Variants in PTP4A1 observed in about 807,000 individuals in gnomAD.
PTP4A1 encodes protein tyrosine phosphatase 4A1, also known as protein tyrosine phosphatase type IVA 1.
PTP4A1 carries 9 observed loss-of-function variants against 20.5 expected under a neutral mutation model. The observed-to-expected ratio is 0.44, with a 90% CI of 0.26 to 0.77. The LOEUF (loss-of-function observed/expected upper bound fraction) is 0.77. Ranked by LOEUF, PTP4A1 falls within the 30% of genes least tolerant of loss-of-function variation. PTP4A1 has a pLI of 0.19. For missense variants in PTP4A1, 137 were observed against 218.8 expected, an observed-to-expected ratio of 0.63 and a Z score of 2.36; for synonymous variants, 78 against 67.4, an observed-to-expected ratio of 1.16 and a Z score of -0.77.
chr6:63,573,474 G>T (rs995110191), intron 1 of PTP4A1: 3 of 152,276 alleles, frequency 2.0e-5, no homozygotes, highest in Non-Finnish European at 4.4e-5. Flanking sequence ...CTGAAGGCGC[G>T]GCGCGAACCC....
chr6:63,519,036 C>T (rs981300858), upstream of PTP4A1, among the ~76,000 whole-genome samples: 19 of 152,136 alleles, frequency 1.2e-4, no homozygotes, highest in African/African-American at 2.2e-4. Flanking sequence ...GACTACAGGC[C>T]GGGCACAGTG....
intron 5 of PTP4A1, among the ~76,000 whole-genome samples, chr6:63,579,577 T>C (rs1778087625): frequency 6.6e-6 from 1 of 152,264 alleles, no homozygotes; most frequent in Non-Finnish European, 1.5e-5. Context: ...ATATGTTGGT[T>C]ATTTTGTATT....
chr6:63,546,023 G>T (rs931756990), intron 2 of PTP4A1, among the ~76,000 whole-genome samples: 2 of 152,054 alleles, frequency 1.3e-5, no homozygotes, highest in African/African-American at 4.8e-5. Flanking sequence ...CCACTTCAGG[G>T]TATATATCCA....
chr6:63,578,219 T>C (rs143243366), intron 2 of PTP4A1, among the ~76,000 whole-genome samples: 1 of 152,180 alleles, frequency 6.6e-6, no homozygotes, highest in Non-Finnish European at 1.5e-5. Context: ...TTATTAAAAA[T>C]ATGTATGGTA....
At chr6:63,541,000 C>T (rs1243629083) in intron 2 of PTP4A1, among the ~76,000 whole-genome samples, 2 of 121,478 alleles carry the variant, frequency 1.6e-5, no homozygotes, top group African/African-American at 6.4e-5. Flanking sequence ...AAGACTCTGT[C>T]AAAAAAAAGG....
rs1778360234 is a variant in PTP4A1, at chr6:63,583,262, A to G, written c.*3088A>G. 6.6e-6 allele frequency: 1 copy of G among 152,228 alleles called. No individual in the cohort carries two copies. The highest frequency in any genetic ancestry group is 6.5e-5 in the Admixed American group (1 of 15,284). The allele number at this position is 152,228 out of a possible 1,614,324, so 9.4% of individuals were successfully genotyped here. A position where few individuals can be genotyped will look rare whatever the true frequency, so the allele number is the denominator to read the frequency against. ...GTTAAGTTTTAAACAAAATACATGA[A>G]GTAGTGTCTGCCATACATGTTAATA... On this transcript the variant is annotated 3_prime_UTR_variant, in exon 6 of 6. Transcript: ENST00000626021.
intron 3 of PTP4A1, among the ~76,000 whole-genome samples, chr6:63,556,839 TA>T (rs1378680564): frequency 6.6e-6 from 1 of 152,196 alleles, no homozygotes; most frequent in Admixed American, 6.5e-5. Context: ...CAGAAATTAG[TA>T]AACAATCTGT....
At chr6:63,551,484 T>C (rs1234461411) in intron 3 of PTP4A1, among the ~76,000 whole-genome samples, 4 of 152,210 alleles carry the variant, frequency 2.6e-5, no homozygotes, top group African/African-American at 7.2e-5. Flanking sequence ...TTTCCAGGCT[T>C]TTTTCCTATG....
chr6:63,519,095 G>A (rs188658139), upstream of PTP4A1, among the ~76,000 whole-genome samples: 47 of 152,234 alleles, frequency 3.1e-4, no homozygotes, highest in African/African-American at 1.1e-3. Flanking sequence ...CGGGCAGATC[G>A]CCTGAAGTTC....
upstream of PTP4A1, chr6:63,571,912 C>T (rs2734851): frequency 6.6e-6 from 1 of 152,314 alleles, no homozygotes; most frequent in South Asian, 2.1e-4. Context: ...AAGGCCGTGG[C>T]ATGCAAGGTG....
intron 2 of PTP4A1, among the ~76,000 whole-genome samples, chr6:63,545,772 A>G (rs1166679789): frequency 1.3e-5 from 2 of 152,162 alleles, no homozygotes; most frequent in African/African-American, 2.4e-5. Flanking sequence ...TCAAAATTCA[A>G]TCCAATACTC....
intron 2 of PTP4A1, chr6:63,549,063 T>C: frequency 2.8e-6 from 2 of 719,216 alleles, no homozygotes; most frequent in Non-Finnish European, 5.1e-6. Flanking sequence ...AGCTTTCTTA[T>C]TCTCTAGCAA....
upstream of PTP4A1, among the ~76,000 whole-genome samples, chr6:63,569,958 G>C (rs1265384176): frequency 6.6e-6 from 1 of 152,198 alleles, no homozygotes; most frequent in Non-Finnish European, 1.5e-5. Context: ...AGAATCTGCA[G>C]CTTAAAAGTA....
intron 5 of PTP4A1, 115 bp downstream of exon 5, chr6:63,579,446 T>C (rs1404995899): frequency 4.3e-6 from 3 of 701,654 alleles, no homozygotes; most frequent in Non-Finnish European, 6.5e-6. Context: ...TGAGATAGTA[T>C]TAAAACCAGG....
At chr6:63,551,872 T>A (rs1443313531) in intron 3 of PTP4A1, among the ~76,000 whole-genome samples, 1 of 152,230 alleles carries the variant, frequency 6.6e-6, no homozygotes, top group Non-Finnish European at 1.5e-5. Flanking sequence ...GGACATGAAC[T>A]CATCATTTTT....
intron 2 of PTP4A1, among the ~76,000 whole-genome samples, chr6:63,528,235 A>G (rs1226642600): frequency 6.6e-6 from 1 of 152,200 alleles, no homozygotes; most frequent in East Asian, 1.9e-4. Context: ...CACTAGTAAC[A>G]CAGACAGCCA....
chr6:63,528,797 C>A (rs532694515), intron 2 of PTP4A1, among the ~76,000 whole-genome samples: 1 of 151,714 alleles, frequency 6.6e-6, no homozygotes, highest in East Asian at 1.9e-4. Flanking sequence ...ACTTTGGTGG[C>A]ACCCTCCACA....
intron 3 of PTP4A1, among the ~76,000 whole-genome samples, chr6:63,553,107 G>C (rs1238990198): frequency 4.6e-5 from 7 of 152,126 alleles, no homozygotes; most frequent in African/African-American, 1.7e-4. Context: ...GTATATCTGT[G>C]TATATTGATT....
At chr6:63,533,251 G>A (rs147703557) in intron 2 of PTP4A1, among the ~76,000 whole-genome samples, 1,838 of 152,206 alleles carry the variant, frequency 0.012, 36 homozygotes, top group African/African-American at 0.041. Context: ...ATGTGGTGGC[G>A]CACACCTGTT....
Sources: allele counts gnomAD v4.1 joint callset (sites outside exome capture counted in the v4.1 genomes callset), GRCh38; gene constraint gnomAD v4.1.1; transcripts MANE v1.5; gene names NCBI Gene and HGNC (gene_info 2026-07-23, HGNC 2026-07-21).